HSD17B11: variants seen among roughly 807,000 people sequenced by gnomAD.
The protein encoded by HSD17B11 is hydroxysteroid 17-beta dehydrogenase 11.
HSD17B11 carries 22 observed loss-of-function variants against 27.8 expected under a neutral mutation model. The observed-to-expected ratio is 0.79, with a 90% CI of 0.56 to 1.13. HSD17B11 has a LOEUF of 1.13. HSD17B11 is among the 50% of genes most tolerant of loss of function. HSD17B11 has a pLI of 0.00. For synonymous variants in HSD17B11, 117 were observed against 132.8 expected (o/e 0.88, Z 0.82); for missense variants, 314 against 351.1 (o/e 0.89, Z 0.84).
chr4:87,354,940 C>T (rs916258699), intron 5 of HSD17B11, among the ~76,000 whole-genome samples: 2 of 124,970 alleles, frequency 1.6e-5, no homozygotes, highest in East Asian at 2.0e-4. Flanking sequence ...ACAGCAAAAT[C>T]CTGGCTCTCA....
intron 1 of HSD17B11, among the ~76,000 whole-genome samples, chr4:87,388,593 A>T (rs2110136107): frequency 6.6e-6 from 1 of 151,376 alleles, no homozygotes; most frequent in East Asian, 1.9e-4. Context: ...CTCCCCTCCT[A>T]CCCTCCCCAC....
At chr4:87,356,447 G>A (rs1401799093) in intron 5 of HSD17B11, among the ~76,000 whole-genome samples, 6 of 152,160 alleles carry the variant, frequency 3.9e-5, no homozygotes, top group Non-Finnish European at 8.8e-5. Flanking sequence ...TTAGATGTCT[G>A]TAACATAATG....
intron 5 of HSD17B11, among the ~76,000 whole-genome samples, chr4:87,345,523 G>A (rs577036935): frequency 3.3e-5 from 5 of 152,056 alleles, no homozygotes; most frequent in South Asian, 2.1e-4. Flanking sequence ...ACTTAAAATA[G>A]GTTCTTTAAA....
At chr4:87,357,502 A>C in intron 4 of HSD17B11, 86 bp from the exon 5 acceptor site, 1 of 1,273,948 alleles carries the variant, frequency 7.8e-7, no homozygotes, top group Non-Finnish European at 1.1e-6. Flanking sequence ...TCTGCAGAGC[A>C]ATGTGGGCAT....
In HSD17B11 at chr4:87,340,545, C is replaced by G. The variant is rs778314415; in HGVS notation, c.757G>C (p.Glu253Gln). 1 of 1,611,670 alleles carries G rather than the reference C, an allele frequency of 6.2e-7. No homozygotes were observed. Among genetic ancestry groups the G allele is most frequent in the South Asian group, 1.1e-5 (1 of 90,500 alleles). ...VNRLMHGILT[E>Q]QKMIFIPSSI... ...GATGGAATAAAAATCATCTTCTGCTCAGTCAGAATCCCATGCATCAGCCTG... is the reference window on the plus strand; with the variant it reads ...GATGGAATAAAAATCATCTTCTGCTGAGTCAGAATCCCATGCATCAGCCTG... Residue 253 changes from glutamate (E) to glutamine (Q), a missense_variant, in exon 6 of 7, where the codon GAG becomes CAG. By Grantham distance (29) the Glu-to-Gln change is conservative. Transcript: ENST00000358290.
intron 5 of HSD17B11, among the ~76,000 whole-genome samples, chr4:87,344,608 C>T (rs1016823759): frequency 2.6e-5 from 4 of 152,152 alleles, no homozygotes; most frequent in African/African-American, 9.7e-5. Context: ...AGACAGAAGA[C>T]CAGCAGAAAT....
At chr4:87,385,972 T>TTGTTTTGAACAA (rs1416157669) in intron 1 of HSD17B11, 4 of 151,722 alleles carry the variant, frequency 2.6e-5, no homozygotes, top group African/African-American at 9.7e-5. Context: ...TGAACAAATA[T>TTGTTTTGAACAA]ATTTCCTTAC....
rs565435917 is a variant in HSD17B11, at chr4:87,357,694, AGAGT to A, written c.558-282_558-279del. Among the ~76,000 whole-genome samples the A allele has an allele frequency of 4.7e-3, 721 of 152,314 alleles. 8 individuals are homozygous for A. The highest frequency in any genetic ancestry group is 0.017 in the African/African-American group (697 of 41,586). ...AAAAAGCCTTTTAAAGAAAATTAGT[AGAGT>A]ATTTGTTTTTGTTGTTGTTCCACAA... On this transcript the variant is annotated intron_variant, in intron 4 of 6. Transcript: ENST00000358290.
rs778314415 is a variant in HSD17B11, at chr4:87,340,545, C to A, written c.757G>T (p.Glu253Ter). The part of the protein sequence containing the change: ...VNRLMHGILT[E>*]QKMIFIPSSI... ...GATGGAATAAAAATCATCTTCTGCT[C>A]AGTCAGAATCCCATGCATCAGCCTG... Residue 253 changes from glutamate to a stop codon, truncating the protein, a stop_gained, in exon 6 of 7, where the codon GAG (glutamate) becomes TAG (stop). Transcript: ENST00000358290. LOFTEE classifies it high-confidence loss of function. The A allele has an allele frequency of 1.1e-5, 18 of 1,611,552 alleles. No homozygotes were observed. The highest frequency in any genetic ancestry group is 2.5e-6 in the Non-Finnish European group (3 of 1,178,894).
chr4:87,380,656 G>A (rs1490587429), intron 2 of HSD17B11, among the ~76,000 whole-genome samples: 2 of 149,872 alleles, frequency 1.3e-5, no homozygotes, highest in Non-Finnish European at 3.0e-5. Context: ...AGGAGATACA[G>A]ACCATCCTGG....
intron 2 of HSD17B11, among the ~76,000 whole-genome samples, chr4:87,380,470 CA>C (rs759061081): frequency 1.1e-3 from 44 of 39,068 alleles, no homozygotes; most frequent in East Asian, 4.0e-3. Context: ...AAGACTGTCT[CA>C]AAAAAAAAAA....
At chr4:87,372,915 C>G (rs1735748788) in intron 3 of HSD17B11, 100 bp from the exon 4 acceptor site, 1 of 721,670 alleles carries the variant, frequency 1.4e-6, no homozygotes, top group Admixed American at 2.8e-5. Context: ...TAACATTAAT[C>G]CTGTCATAAA....
chr4:87,365,460 G>C (rs895725446), intron 4 of HSD17B11, among the ~76,000 whole-genome samples: 2 of 152,152 alleles, frequency 1.3e-5, no homozygotes, highest in East Asian at 3.8e-4. Context: ...AGGACAAACT[G>C]TTTCTTTAAC....
At chr4:87,354,241 G>A (rs1735338323) in intron 5 of HSD17B11, among the ~76,000 whole-genome samples, 2 of 151,990 alleles carry the variant, frequency 1.3e-5, no homozygotes, top group South Asian at 2.1e-4. Context: ...CCTGGCGGCC[G>A]TGGATCAGCT....
chr4:87,357,996 C>T (rs1175282476), intron 4 of HSD17B11, among the ~76,000 whole-genome samples: 21 of 96,886 alleles, frequency 2.2e-4, no homozygotes, highest in Admixed American at 1.2e-3. Flanking sequence ...GAGTCTTGCT[C>T]TGTCACCCAG....
At chr4:87,376,281 G>C (rs1241986675) in intron 2 of HSD17B11, among the ~76,000 whole-genome samples, 1 of 152,110 alleles carries the variant, frequency 6.6e-6, no homozygotes, top group South Asian at 2.1e-4. Context: ...AAGGCAGGCA[G>C]ATCACTTGAG....
At chr4:87,377,449 C>CA (rs35761085) in intron 2 of HSD17B11, among the ~76,000 whole-genome samples, 44,944 of 134,994 alleles carry the variant, frequency 0.33, 6,810 homozygotes, top group South Asian at 0.38. Context: ...GACTCTGTCT[C>CA]AAAAAAAAAA....
intron 5 of HSD17B11, 142 bp from the exon 6 acceptor site, chr4:87,340,748 A>T (rs1735151749): frequency 1.9e-6 from 1 of 538,652 alleles, no homozygotes; most frequent in Non-Finnish European, 3.3e-6. Context: ...GGTGCTCAGA[A>T]ATGGTAGCTA....
At position 87,370,759 on chromosome 4, in the gene HSD17B11, T is replaced by TA. The variant is rs1368371456; in HGVS notation, c.557+1949_557+1950insT. Among the ~76,000 whole-genome samples, 43 of 62,166 alleles carry TA rather than the reference T, an allele frequency of 6.9e-4. 7 individuals are homozygous for TA. The highest frequency in any genetic ancestry group is 3.7e-3 in the African/African-American group (38 of 10,234). The allele number at this position is 62,166 out of a possible 152,430, so 40.8% of individuals were successfully genotyped here. On this transcript the variant is annotated intron_variant, in intron 4 of 6. Coordinates refer to ENST00000358290, the MANE Select transcript of HSD17B11 (RefSeq NM_016245.5). ...ATTATTATTATTATTATTATTATTTTTTTTTTTTTTTGAGACGGAGTCTCG... is the reference window on the plus strand; with the variant it reads ...ATTATTATTATTATTATTATTATTTTATTTTTTTTTTTGAGACGGAGTCTCG...
Sources: gnomAD v4.1 joint callset for allele counts (sites outside exome capture counted in the v4.1 genomes callset) on GRCh38, gnomAD v4.1.1 for gene constraint, MANE v1.5 for transcripts, NCBI Gene and HGNC (gene_info 2026-07-23, HGNC 2026-07-21) for gene names.